Variants in EIF4G3 observed in about 807,000 individuals in gnomAD.
EIF4G3 encodes eIF-4-gamma 3.
EIF4G3 carries 34 observed loss-of-function variants against 186.4 expected under a neutral mutation model. The ratio of observed to expected loss-of-function variants is 0.18; its 90% CI spans 0.14 to 0.24. EIF4G3 has a LOEUF of 0.24. Ranked by LOEUF, EIF4G3 falls within the 10% of genes least tolerant of loss-of-function variation. EIF4G3 has a pLI of 1.00. For missense variants in EIF4G3, 1,536 were observed against 1,948.5 expected (o/e 0.79, Z 3.99); for synonymous variants, 673 against 679.5 (o/e 0.99, Z 0.15).
rs58304660 is a variant in EIF4G3 at position 20,897,412 on chromosome 1, G to GA, written c.2000-1912dup. On this transcript the variant is annotated intron_variant, in intron 16 of 36. Coordinates refer to ENST00000602326, the MANE Select transcript of EIF4G3 (RefSeq NM_001391906.1). ...GTTCACTAGGAAATGTTATTTTAGA[G>GA]AAAAAAAAAAAAGCAAAAGGACACA... 5.9e-3 allele frequency among the ~76,000 whole-genome samples: 780 copies of GA among 132,526 alleles called. 6 individuals carry two copies. Among genetic ancestry groups the GA allele is most frequent in the African/African-American group, 0.02 (718 of 36,152 alleles). 86.9% of individuals were successfully genotyped at this position (132,526 alleles called of 152,430 possible). A position where few individuals can be genotyped will look rare whatever the true frequency, so the allele number is the denominator to read the frequency against.
chr1:21,094,437 AG>A (rs1238076025), intron 2 of EIF4G3, among the ~76,000 whole-genome samples: 2 of 152,058 alleles, frequency 1.3e-5, no homozygotes, highest in Non-Finnish European at 2.9e-5. Context: ...AATACTATGC[AG>A]CCATAAAAAA....
chr1:20,949,936 C>T, intron 13 of EIF4G3, 67 bp downstream of exon 13: 2 of 1,308,690 alleles, frequency 1.5e-6, no homozygotes, highest in Non-Finnish European at 2.2e-6. Context: ...CTCTTGAATG[C>T]TGACGGCAAT....
At chr1:21,158,885 C>T (rs1283875787) in intron 2 of EIF4G3, among the ~76,000 whole-genome samples, 2 of 151,808 alleles carry the variant, frequency 1.3e-5, no homozygotes, top group African/African-American at 4.8e-5. Context: ...TATTTTCTCG[C>T]TAAATCCAAT....
At chr1:20,937,227 T>A (rs1000389544) in intron 14 of EIF4G3, among the ~76,000 whole-genome samples, 1 of 152,126 alleles carries the variant, frequency 6.6e-6, no homozygotes, top group Non-Finnish European at 1.5e-5. Flanking sequence ...ACAGTGATGA[T>A]GAGAAAGGAC....
intron 7 of EIF4G3, among the ~76,000 whole-genome samples, chr1:20,988,591 A>T (rs1344292783): frequency 6.6e-6 from 1 of 152,192 alleles, no homozygotes; most frequent in Non-Finnish European, 1.5e-5. Context: ...ATCTGTTTGC[A>T]GCATGGTTTG....
At chr1:20,996,638 C>T (rs1390970033) in intron 7 of EIF4G3, among the ~76,000 whole-genome samples, 1 of 152,152 alleles carries the variant, frequency 6.6e-6, no homozygotes, top group Non-Finnish European at 1.5e-5. Flanking sequence ...TTACTTTATC[C>T]AACCAGACTT....
intron 28 of EIF4G3, 116 bp downstream of exon 28, chr1:20,851,142 T>A: frequency 1.2e-6 from 1 of 847,478 alleles, no homozygotes; most frequent in South Asian, 1.7e-5. Context: ...CTTCAGATGC[T>A]GGTATGTGTT....
At chr1:21,158,760 C>CTA (rs1055012143) in intron 2 of EIF4G3, among the ~76,000 whole-genome samples, 32 of 151,858 alleles carry the variant, frequency 2.1e-4, no homozygotes, top group Admixed American at 2.0e-3. Context: ...CACTCTCTCT[C>CTA]TATATATATA....
At chr1:21,109,635 G>A (rs2096681903) in intron 2 of EIF4G3, among the ~76,000 whole-genome samples, 2 of 152,076 alleles carry the variant, frequency 1.3e-5, no homozygotes, top group African/African-American at 4.8e-5. Flanking sequence ...TTTCCTGGTG[G>A]CCACAGTATA....
At chr1:21,025,577 C>T (rs887312592) in intron 4 of EIF4G3, among the ~76,000 whole-genome samples, 1 of 152,186 alleles carries the variant, frequency 6.6e-6, no homozygotes, top group African/African-American at 2.4e-5. Flanking sequence ...AGAATGCTTA[C>T]AGAACCCAAA....
At chr1:20,995,474 G>C (rs2082086397) in intron 7 of EIF4G3, among the ~76,000 whole-genome samples, 1 of 152,038 alleles carries the variant, frequency 6.6e-6, no homozygotes, top group African/African-American at 2.4e-5. Context: ...CAGGGTTCAA[G>C]TGATCGCTTG....
chr1:21,127,765 C>T (rs891866605), intron 2 of EIF4G3, among the ~76,000 whole-genome samples: 3 of 152,098 alleles, frequency 2.0e-5, no homozygotes, highest in African/African-American at 4.8e-5. Flanking sequence ...AAAGTACAGA[C>T]AATACACTTT....
At chr1:21,031,246 T>C (rs1323228142) in intron 4 of EIF4G3, among the ~76,000 whole-genome samples, 1 of 150,146 alleles carries the variant, frequency 6.7e-6, no homozygotes, top group African/African-American at 2.5e-5. Flanking sequence ...CCACAGGCAA[T>C]GGTTGGACAG....
chr1:21,023,614 A>T (rs1435966804), intron 4 of EIF4G3, among the ~76,000 whole-genome samples: 1 of 151,416 alleles, frequency 6.6e-6, no homozygotes, highest in South Asian at 2.1e-4. Context: ...GCTACAACCT[A>T]CACCTCCCAG....
intron 3 of EIF4G3, among the ~76,000 whole-genome samples, chr1:21,076,317 A>T (rs943424247): frequency 6.6e-6 from 1 of 152,156 alleles, no homozygotes; most frequent in Non-Finnish European, 1.5e-5. Context: ...AGAAACACAA[A>T]ATACTAAAAT....
chr1:21,131,043 C>A (rs2097142504), intron 2 of EIF4G3, among the ~76,000 whole-genome samples: 2 of 151,768 alleles, frequency 1.3e-5, no homozygotes. Context: ...AGTTCAAGAC[C>A]AGGCTGGCCA....
chr1:21,056,268 T>C (rs1403510047), intron 3 of EIF4G3, among the ~76,000 whole-genome samples: 1 of 152,134 alleles, frequency 6.6e-6, no homozygotes, highest in Non-Finnish European at 1.5e-5. Context: ...TAAGTCTGTA[T>C]CAAAATAATA....
At chr1:21,119,187 T>C (rs924312813) in intron 2 of EIF4G3, among the ~76,000 whole-genome samples, 1 of 152,116 alleles carries the variant, frequency 6.6e-6, no homozygotes, top group Non-Finnish European at 1.5e-5. Flanking sequence ...TAAGAAATTT[T>C]GTTTATAACA....
chr1:21,021,908 C>G (rs571788037), intron 4 of EIF4G3, among the ~76,000 whole-genome samples: 1 of 152,034 alleles, frequency 6.6e-6, no homozygotes, highest in Non-Finnish European at 1.5e-5. Context: ...ACCTTCAGTA[C>G]AAGATGAATA....
Sources: allele counts gnomAD v4.1 joint callset (sites outside exome capture counted in the v4.1 genomes callset), GRCh38; gene constraint gnomAD v4.1.1; transcripts MANE v1.5; gene names NCBI Gene and HGNC (gene_info 2026-07-23, HGNC 2026-07-21).